Variants in HYDIN observed in about 807,000 individuals in gnomAD.
HYDIN encodes axonemal central pair apparatus protein HYDIN.
A neutral mutation model predicts 403.9 loss-of-function variants in HYDIN; 132 were observed. The observed-to-expected ratio is 0.33, with a 90% confidence interval of 0.28 to 0.38. HYDIN has a LOEUF of 0.38. Among genes scored for constraint, HYDIN ranks in the 10% least tolerant of loss-of-function variants. The pLI, the probability that HYDIN is intolerant of heterozygous loss-of-function variation, is 1.00. For synonymous variants in HYDIN, 1,202 were observed against 1,891.7 expected, an observed-to-expected ratio of 0.64 and a Z score of 9.46; for missense variants, 2,827 against 5,009.5, an observed-to-expected ratio of 0.56 and a Z score of 13.15.
intron 83 of HYDIN, among the ~76,000 whole-genome samples, 156 bp from the exon 84 acceptor site, chr16:70,818,728 C>A (rs2036019992): frequency 6.9e-6 from 1 of 145,500 alleles, no homozygotes; most frequent in Non-Finnish European, 1.5e-5. Flanking sequence ...TATCCGGATC[C>A]CTGCCAGCCA....
intron 1 of HYDIN, among the ~76,000 whole-genome samples, chr16:71,224,512 C>T (rs1032434673): frequency 5.4e-5 from 8 of 147,082 alleles, no homozygotes; most frequent in Non-Finnish European, 1.2e-4. Flanking sequence ...ATGAATCATT[C>T]TTTAATTAAA....
At chr16:71,161,078 C>T (rs1198457406) in intron 6 of HYDIN, among the ~76,000 whole-genome samples, 2 of 128,142 alleles carry the variant, frequency 1.6e-5, no homozygotes, top group Non-Finnish European at 3.3e-5. Flanking sequence ...GAAATGATTA[C>T]ACAACTCACC....
Position 70,806,708 on chromosome 16 carries a change from G to A in HYDIN, c.*872C>T, listed in dbSNP as rs113353979. ...GCAGGTAGAGGCAGGGGGACCCTCC[G>A]TCAGAGGTGTATGTCTGCAGAAGCA... On this transcript the variant is annotated 3_prime_UTR_variant, in exon 86 of 86. Transcript: ENST00000393567. Among the ~76,000 whole-genome samples the A allele has an allele frequency of 8.7e-4, 132 of 152,248 alleles. 1 individual carries two copies. The highest frequency in any genetic ancestry group is 2.8e-3 in the African/African-American group (115 of 41,530).
rs369782618 is a variant in HYDIN, at chr16:71,113,586, T to C, written c.1327+2110A>G. On this transcript the variant is annotated intron_variant, in intron 10 of 85. Coordinates refer to ENST00000393567, the MANE Select transcript of HYDIN (RefSeq NM_001270974.2). ...CTTCGGGATTTCTTGACTTTCATGATCTTGATTTTTTTTTTTTTTTTTTTT... is the reference window on the plus strand; with the variant it reads ...CTTCGGGATTTCTTGACTTTCATGACCTTGATTTTTTTTTTTTTTTTTTTT... 6.4e-3 allele frequency: 980 copies of C among 152,216 alleles called. 4 individuals carry two copies. Among genetic ancestry groups the C allele is most frequent in the African/African-American group, 0.023 (936 of 39,926 alleles). 9.4% of individuals were successfully genotyped at this position (152,216 alleles called of 1,614,324 possible).
chr16:71,223,170 A>C (rs2040875854), intron 1 of HYDIN, among the ~76,000 whole-genome samples: 1 of 152,178 alleles, frequency 6.6e-6, no homozygotes. Flanking sequence ...AATAAAGCCA[A>C]ATAATTACAG....
intron 45 of HYDIN, among the ~76,000 whole-genome samples, chr16:70,931,210 G>GTT (rs71387550): frequency 0.36 from 21,054 of 59,080 alleles, 4,757 homozygotes; most frequent in Non-Finnish European, 0.46. Context: ...TCTTTCTTCT[G>GTT]TTTTTTTTTT....
At chr16:71,192,016 C>G (rs574045594) in intron 1 of HYDIN, among the ~76,000 whole-genome samples, 1 of 152,318 alleles carries the variant, frequency 6.6e-6, no homozygotes, top group East Asian at 1.9e-4. Context: ...TTAATCCCCA[C>G]AGCAACCCTA....
chr16:70,909,228 C>A (rs2143780268), intron 47 of HYDIN, among the ~76,000 whole-genome samples: 1 of 152,124 alleles, frequency 6.6e-6, no homozygotes, highest in African/African-American at 2.4e-5. Flanking sequence ...ATACCCCTCA[C>A]CACCAGCTCT....
chr16:71,040,410 G>A (rs1228715833), intron 18 of HYDIN, among the ~76,000 whole-genome samples: 2 of 148,304 alleles, frequency 1.3e-5, no homozygotes, highest in African/African-American at 5.0e-5. Context: ...CTGGATCAGA[G>A]GCACTGAGTC....
intron 23 of HYDIN, among the ~76,000 whole-genome samples, chr16:71,010,890 CAGGT>C (rs1404535158): frequency 6.6e-6 from 1 of 152,210 alleles, no homozygotes; most frequent in Non-Finnish European, 1.5e-5. Flanking sequence ...GGAGGAGTGA[CAGGT>C]AGGGAGGGGA....
At chr16:70,948,803 A>G (rs1567887616) in intron 41 of HYDIN, among the ~76,000 whole-genome samples, 1 of 150,796 alleles carries the variant, frequency 6.6e-6, no homozygotes, top group Non-Finnish European at 1.5e-5. Context: ...AAAAGTCAGG[A>G]AACAACAGGT....
chr16:70,938,391 A>G (rs1343712376), intron 44 of HYDIN, among the ~76,000 whole-genome samples: 1 of 152,212 alleles, frequency 6.6e-6, no homozygotes, highest in African/African-American at 2.4e-5. Flanking sequence ...AATGCCCGCC[A>G]GTGAGAAATA....
At chr16:71,078,784 A>G (rs1383199587) in intron 13 of HYDIN, among the ~76,000 whole-genome samples, 1 of 152,068 alleles carries the variant, frequency 6.6e-6, no homozygotes, top group Non-Finnish European at 1.5e-5. Context: ...GGGATTATAG[A>G]TGTGAGCCAC....
intron 9 of HYDIN, among the ~76,000 whole-genome samples, chr16:71,118,138 TTA>T (rs778047708): frequency 2.2e-4 from 33 of 152,212 alleles, no homozygotes; most frequent in Non-Finnish European, 3.7e-4. Context: ...GTATATATGT[TTA>T]TCATCCCACT....
chr16:70,889,645 G>C lies in HYDIN; in HGVS notation c.9716C>G (p.Ser3239Cys). ...GTCAGAGAACTTGGCTGCTCTGGAA[G>C]AGCCAGTTTTGTAGAAGCTCTCACT... ...RESESFYKTG[S>C]SRAAKFSDTI... Residue 3239 changes from serine to cysteine, a missense_variant, in exon 58 of 86, where the codon TCT becomes TGT. Physicochemically the swap from Ser to Cys is moderately radical, Grantham distance 112. Transcript: ENST00000393567. 1 of 663,870 alleles carries C rather than the reference G, an allele frequency of 1.5e-6. No homozygotes were observed. Among genetic ancestry groups the C allele is most frequent in the Non-Finnish European group, 2.6e-6 (1 of 391,824 alleles). The allele number at this position is 663,870 out of a possible 1,614,324, so 41.1% of individuals were successfully genotyped here.
chr16:71,163,162 G>A (rs1261234921), intron 5 of HYDIN, among the ~76,000 whole-genome samples: 5 of 137,148 alleles, frequency 3.6e-5, no homozygotes, highest in South Asian at 2.3e-4. Flanking sequence ...TCGCTCTGTC[G>A]CCCAGGCTGG....
At chr16:70,982,219 T>C (rs2669068) in intron 28 of HYDIN, among the ~76,000 whole-genome samples, 1 of 151,584 alleles carries the variant, frequency 6.6e-6, no homozygotes, top group South Asian at 2.1e-4. Context: ...GAAAACTTTA[T>C]GTCAATATAT....
Position 70,938,683 on chromosome 16 carries a change from G to A in HYDIN, c.6926C>T (p.Ala2309Val), listed in dbSNP as rs748991306. 43 of 1,612,548 alleles carry A rather than the reference G, an allele frequency of 2.7e-5. No individual in the cohort carries two copies. The highest frequency in any genetic ancestry group is 3.6e-5 in the Non-Finnish European group (42 of 1,178,800). The change falls in exon 44 of 86, where the codon GCC becomes GTC. Residue 2309 changes from alanine (A) to valine (V), a missense_variant. By Grantham distance (64) the Ala-to-Val change is moderately conservative (BLOSUM62 0). Coordinates refer to ENST00000393567, the MANE Select transcript of HYDIN (RefSeq NM_001270974.2). ...TGTGAGTTTCTCCTCCTCAGTCAGG[G>A]CATCATATTCTTCCTCATCCATGTT... Reference protein sequence around the residue: ...LQNMDEEEYDALTEEEKLTFD... With the variant: ...LQNMDEEEYDVLTEEEKLTFD...
In HYDIN at chr16:70,962,668, T is replaced by C. The variant is rs371569914; in HGVS notation, c.5789-530A>G. Among the ~76,000 whole-genome samples, 61 of 148,824 alleles carry C rather than the reference T, an allele frequency of 4.1e-4. 1 individual carries two copies. Among genetic ancestry groups the C allele is most frequent in the African/African-American group, 1.5e-3 (59 of 40,198 alleles). On this transcript the variant is annotated intron_variant, in intron 37 of 85. Transcript: ENST00000393567. ...GTTGGCCCAACACCTTCCTCATTGA[T>C]TGCCCATTGTTCTATAGCATTTCAG...
Sources: allele counts gnomAD v4.1 joint callset (sites outside exome capture counted in the v4.1 genomes callset), GRCh38; gene constraint gnomAD v4.1.1; transcripts MANE v1.5; gene names NCBI Gene and HGNC (gene_info 2026-07-23, HGNC 2026-07-21).